The following AKAP19 variants were observed in gnomAD, a reference collection of about 807,000 sequenced individuals.
AKAP19 encodes the protein small A-kinase anchoring protein.
chr2:189,923,319 C>G, the AKAP19 span: 2 of 1,605,760 alleles, frequency 1.2e-6, no homozygotes, highest in South Asian at 1.1e-5. Flanking sequence ...TTGTGAGAAA[C>G]CTTACCATCA....
chr2:189,956,401 C>T, the AKAP19 span, among the ~76,000 whole-genome samples: 1 of 151,544 alleles, frequency 6.6e-6, no homozygotes, highest in South Asian at 2.1e-4. Context: ...GATCTCCTGA[C>T]CTCGTGATCC....
chr2:190,114,160 C>A, the AKAP19 span, among the ~76,000 whole-genome samples: 10 of 152,316 alleles, frequency 6.6e-5, no homozygotes, highest in African/African-American at 2.4e-4. Flanking sequence ...ATACTTTGAT[C>A]TATATCCATA....
At chr2:190,114,379 T>G in the AKAP19 span, among the ~76,000 whole-genome samples, 1 of 152,256 alleles carries the variant, frequency 6.6e-6, no homozygotes, top group Non-Finnish European at 1.5e-5. Context: ...AAGGGATGTA[T>G]AATACATTTT....
At chr2:190,183,590 A>G in the AKAP19 span, among the ~76,000 whole-genome samples, 1 of 152,184 alleles carries the variant, frequency 6.6e-6, no homozygotes, top group African/African-American at 2.4e-5. Context: ...ATTAGTCTGT[A>G]AAGTCTAGGA....
the AKAP19 span, among the ~76,000 whole-genome samples, chr2:190,027,015 A>G: frequency 1.8e-4 from 27 of 152,220 alleles, 1 homozygote; most frequent in Admixed American, 1.6e-3. Context: ...CCATACTTCA[A>G]TTATAAACTC....
At chr2:190,177,386 C>T in the AKAP19 span, among the ~76,000 whole-genome samples, 6 of 152,190 alleles carry the variant, frequency 3.9e-5, no homozygotes, top group African/African-American at 9.7e-5. This position sits in a 1 kb window ranked among gnomAD's most constrained non-coding sequence, Gnocchi z 4.6. Context: ...ATCCCCCTCT[C>T]CAGTCCTCAC....
At chr2:190,138,181 T>A in the AKAP19 span, among the ~76,000 whole-genome samples, 1 of 152,230 alleles carries the variant, frequency 6.6e-6, no homozygotes, top group African/African-American at 2.4e-5. Context: ...GCCTTCTTTG[T>A]GTAGTTACTA....
At chr2:189,925,461 A>C in the AKAP19 span, among the ~76,000 whole-genome samples, 1 of 152,180 alleles carries the variant, frequency 6.6e-6, no homozygotes, top group South Asian at 2.1e-4. Flanking sequence ...AGTGACATTT[A>C]TGAAAAGAGG....
chr2:189,924,221 A>G, the AKAP19 span: 2 of 1,526,108 alleles, frequency 1.3e-6, no homozygotes, highest in South Asian at 2.2e-5. Context: ...TCTTAAGCAC[A>G]TAGTGGGGTT....
chr2:190,151,669 A>C, the AKAP19 span, among the ~76,000 whole-genome samples: 1 of 152,226 alleles, frequency 6.6e-6, no homozygotes, highest in Non-Finnish European at 1.5e-5. Context: ...TGCAATGAAC[A>C]AACCAAGCAA....
the AKAP19 span, among the ~76,000 whole-genome samples, chr2:190,093,988 C>T: frequency 2.6e-5 from 4 of 152,188 alleles, no homozygotes; most frequent in African/African-American, 7.2e-5. Flanking sequence ...GGTGCTGTTA[C>T]GAAAGCAGCA....
At chr2:190,051,963 CAGT>C in the AKAP19 span, among the ~76,000 whole-genome samples, 52 of 151,820 alleles carry the variant, frequency 3.4e-4, no homozygotes, top group African/African-American at 1.3e-3. Flanking sequence ...TCAGCCTCCT[CAGT>C]AGCTGGGACT....
the AKAP19 span, among the ~76,000 whole-genome samples, chr2:190,126,521 G>A: frequency 7.9e-5 from 12 of 151,560 alleles, no homozygotes; most frequent in South Asian, 2.1e-4. Context: ...TTATTTTTCC[G>A]GTCTTAAAGA....
the AKAP19 span, among the ~76,000 whole-genome samples, chr2:189,916,613 C>T: frequency 7.1e-4 from 108 of 152,224 alleles, 1 homozygote; most frequent in South Asian, 0.02. Flanking sequence ...TAAGCCACTG[C>T]GCCCAGCCTA....
the AKAP19 span, among the ~76,000 whole-genome samples, chr2:189,972,074 A>G: frequency 1.2e-4 from 19 of 152,208 alleles, no homozygotes; most frequent in African/African-American, 4.3e-4. Context: ...TGTCCTGAAT[A>G]GTATTGCCTA....
At chr2:190,132,450 C>G in the AKAP19 span, among the ~76,000 whole-genome samples, 1 of 152,058 alleles carries the variant, frequency 6.6e-6, no homozygotes, top group Admixed American at 6.5e-5. Flanking sequence ...AACAGACACA[C>G]AGAATAGAGA....
the AKAP19 span, among the ~76,000 whole-genome samples, chr2:190,141,655 G>T: frequency 2.0e-5 from 3 of 152,258 alleles, no homozygotes; most frequent in East Asian, 3.9e-4. Flanking sequence ...CTCCCACAAG[G>T]TCTCTCCCTT....
At chr2:190,196,507 T>C in the AKAP19 span, among the ~76,000 whole-genome samples, 4 of 151,222 alleles carry the variant, frequency 2.6e-5, no homozygotes. Context: ...TAATTTCTAT[T>C]AAGAAATGCT....
the AKAP19 span, among the ~76,000 whole-genome samples, chr2:189,889,849 A>G: frequency 6.6e-6 from 1 of 152,004 alleles, no homozygotes; most frequent in East Asian, 1.9e-4. Flanking sequence ...CTAGTGGTCT[A>G]TTTTGTTAAT....
Sources: allele counts gnomAD v4.1 joint callset (sites outside exome capture counted in the v4.1 genomes callset), GRCh38; gene constraint gnomAD v4.1.1; non-coding constraint Gnocchi (gnomAD v3.1); transcripts MANE v1.5; gene names NCBI Gene and HGNC (gene_info 2026-07-23, HGNC 2026-07-21).